Variants in EPN1 observed in about 807,000 individuals in gnomAD.
The protein encoded by EPN1 is epsin 1.
In EPN1, 25 loss-of-function variants were observed where a neutral mutation model predicts 56.9. The ratio of observed to expected loss-of-function variants is 0.44; its 90% CI spans 0.32 to 0.61. The LOEUF (loss-of-function observed/expected upper bound fraction) is 0.61, where lower values mean the gene tolerates loss of function less well. Ranked by LOEUF, EPN1 falls within the 20% of genes least tolerant of loss-of-function variation. EPN1 has a pLI of 0.05. For missense variants in EPN1, 785 were observed against 823.7 expected, an observed-to-expected ratio of 0.95 and a Z score of 0.58; for synonymous variants, 411 against 361.8, an observed-to-expected ratio of 1.14 and a Z score of -1.54.
chr19:55,685,491 C>G lies in EPN1; in HGVS notation c.324C>G (p.Asp108Glu), dbSNP rs1326400366. 2 of 1,612,790 alleles carry G rather than the reference C, an allele frequency of 1.2e-6. No homozygotes were observed. Among genetic ancestry groups the G allele is most frequent in the Admixed American group, 1.7e-5 (1 of 59,882 alleles). Residue 108 changes from aspartate (D) to glutamate (E), a missense_variant, in exon 3 of 11, where the codon GAC becomes GAG. By Grantham distance (45) the Asp-to-Glu change is conservative. Around this residue, in one of 2 missense-constraint regions of EPN1, gnomAD observed 135 missense variants for 218.7 expected, o/e 0.62. Transcript: ENST00000270460. Reference sequence around the variant, plus strand: ...TGTACGCCGTGCAGACGCTGAAGGACTTCCAGTACGTGGACCGCGACGGCA... The same window carrying G: ...TGTACGCCGTGCAGACGCTGAAGGAGTTCCAGTACGTGGACCGCGACGGCA... The part of the protein sequence containing the change: ...ENMYAVQTLK[D>E]FQYVDRDGKD...
chr19:55,697,380 C>T lies in EPN1; in HGVS notation c.*2024C>T, dbSNP rs1986950890. The T allele has an allele frequency of 6.6e-6, 1 of 152,202 alleles. No homozygotes were observed. Among genetic ancestry groups the T allele is most frequent in the Admixed American group, 6.5e-5 (1 of 15,278 alleles). The allele number at this position is 152,202 out of a possible 1,614,324, so 9.4% of individuals were successfully genotyped here. ...CTGGGCCCCTCACTTGTCAGACCCT[C>T]CATTCACCAAATTAAGGATAAGTTT... On this transcript the variant is annotated 3_prime_UTR_variant, in exon 11 of 11. Transcript: ENST00000270460.
chr19:55,693,328 T>C, intron 9 of EPN1: 1 of 396,598 alleles, frequency 2.5e-6, no homozygotes, highest in East Asian at 4.9e-5. Context: ...TTGAGTGCCT[T>C]GCAAACTCTC....
rs1209740208 is a variant in EPN1, at chr19:55,696,936, TCG to T, written c.*1581_*1582del. On this transcript the variant is annotated 3_prime_UTR_variant, in exon 11 of 11. Coordinates refer to ENST00000270460, the MANE Select transcript of EPN1 (RefSeq NM_001130072.2). ...GCAGACCAGGGTGTCTGGAGGGTTG[TCG>T]GGGGCTTGATGGAGGAATTGCTGAC... The T allele has an allele frequency of 3.3e-5, 5 of 152,214 alleles. No homozygotes were observed. The highest frequency in any genetic ancestry group is 3.3e-4 in the Admixed American group (5 of 15,282). 9.4% of individuals were successfully genotyped at this position (152,214 alleles called of 1,614,324 possible).
intron 2 of EPN1, among the ~76,000 whole-genome samples, chr19:55,683,820 TC>T: frequency 6.6e-6 from 1 of 152,222 alleles, no homozygotes; most frequent in Non-Finnish European, 1.5e-5. Flanking sequence ...TGTTTCATGA[TC>T]CGTTCGGCAC....
chr19:55,685,075 C>T (rs1273972098), intron 2 of EPN1, among the ~76,000 whole-genome samples: 2 of 152,258 alleles, frequency 1.3e-5, no homozygotes, highest in Non-Finnish European at 2.9e-5. Flanking sequence ...CCTGGCAACC[C>T]ACAATCCACT....
At chr19:55,681,393 G>T (rs1489867126) in intron 2 of EPN1, among the ~76,000 whole-genome samples, 2 of 152,114 alleles carry the variant, frequency 1.3e-5, no homozygotes, top group East Asian at 1.9e-4. Flanking sequence ...GCCAAGAGGA[G>T]CCCCGAGCCC....
In EPN1 at chr19:55,675,684, A is replaced by C. The variant is rs573570037; in HGVS notation, c.-102+249A>C. Among the ~76,000 whole-genome samples, 8 of 152,018 alleles carry C rather than the reference A, an allele frequency of 5.3e-5. No individual in the cohort carries two copies. The South Asian group carries it at 1.7e-3, about 32-fold the overall frequency. On this transcript the variant is annotated intron_variant, in intron 1 of 10. Transcript: ENST00000270460. ...TGTGCCTGTTTCAGTGAACTTAGAA[A>C]AGGGTTTGGAGATAGGAGTGTGTTT...
rs1316587211 is a variant in EPN1, at chr19:55,703,673, A to T, written c.*8317A>T. 1.3e-5 allele frequency: 2 copies of T among 152,224 alleles called. No homozygotes were observed. Among genetic ancestry groups the T allele is most frequent in the African/African-American group, 4.8e-5 (2 of 41,444 alleles). 9.4% of individuals were successfully genotyped at this position (152,224 alleles called of 1,614,324 possible). ...TGGTCACTAGCAGGGCGTCTGATGG[A>T]ACTTTCTGAGATGCCGGAAATGTTC... is the stretch of plus-strand genomic sequence containing the variant. On this transcript the variant is annotated 3_prime_UTR_variant, in exon 11 of 11. Transcript: ENST00000270460.
At chr19:55,680,509 TG>T (rs1181910997) in intron 2 of EPN1, among the ~76,000 whole-genome samples, 1 of 152,110 alleles carries the variant, frequency 6.6e-6, no homozygotes, top group Admixed American at 6.5e-5. Flanking sequence ...CATGCTGGGG[TG>T]GGGTTCAGCC....
At chr19:55,677,711 C>G (rs757642644) in intron 1 of EPN1, 4 of 1,548,042 alleles carry the variant, frequency 2.6e-6, no homozygotes, top group South Asian at 2.4e-5. Context: ...CTTCTGGCTT[C>G]CCCGGTTCTT....
Position 55,707,096 on chromosome 19 carries a change from A to G in EPN1, c.*11740A>G, listed in dbSNP as rs1348690276. 4.0e-5 allele frequency: 6 copies of G among 151,766 alleles called. No individual in the cohort carries two copies. Among genetic ancestry groups the G allele is most frequent in the African/African-American group, 9.7e-5 (4 of 41,288 alleles). 9.4% of individuals were successfully genotyped at this position (151,766 alleles called of 1,614,324 possible). A position where few individuals can be genotyped will look rare whatever the true frequency, so the allele number is the denominator to read the frequency against. On this transcript the variant is annotated 3_prime_UTR_variant, in exon 11 of 11. Coordinates refer to ENST00000270460, the MANE Select transcript of EPN1 (RefSeq NM_001130072.2). ...CTCAGGTGGCTGAGACAGGAGAATCACTTGAACCCAGGAGACGGAGGCTGC... is the reference window on the plus strand; with the variant it reads ...CTCAGGTGGCTGAGACAGGAGAATCGCTTGAACCCAGGAGACGGAGGCTGC...
chr19:55,704,358 C>T lies in EPN1; in HGVS notation c.*9002C>T, dbSNP rs542171352. The T allele has an allele frequency of 1.3e-5, 2 of 152,440 alleles. No individual in the cohort carries two copies. Among genetic ancestry groups the T allele is most frequent in the Admixed American group, 6.5e-5 (1 of 15,308 alleles). The allele number at this position is 152,440 out of a possible 1,614,324, so 9.4% of individuals were successfully genotyped here. A position where few individuals can be genotyped will look rare whatever the true frequency, so the allele number is the denominator to read the frequency against. ...ATGGGGCTGTATTTGGAGACAGGGCCTTTACAAGGTAAGTAAGGTTAAAAT... is the reference window on the plus strand; with the variant it reads ...ATGGGGCTGTATTTGGAGACAGGGCTTTTACAAGGTAAGTAAGGTTAAAAT... On this transcript the variant is annotated 3_prime_UTR_variant, in exon 11 of 11. Transcript: ENST00000270460.
chr19:55,688,769 G>T, intron 3 of EPN1, 101 bp from the exon 4 acceptor site: 1 of 1,501,932 alleles, frequency 6.7e-7, no homozygotes, highest in Non-Finnish European at 9.0e-7. Flanking sequence ...GGGACTTGGG[G>T]GGTGGGGTTG....
chr19:55,709,022 C>A lies in EPN1; in HGVS notation c.*13666C>A. On this transcript the variant is annotated 3_prime_UTR_variant, in exon 11 of 11. Coordinates refer to ENST00000270460, the MANE Select transcript of EPN1 (RefSeq NM_001130072.2). ...GACATCAGGATCTTCTGAGTTTCTT[C>A]ATCAAAGCCAGATTTGTGCAGCCTG... The A allele has an allele frequency of 6.3e-7, 1 of 1,576,246 alleles. No homozygotes were observed. The highest frequency in any genetic ancestry group is 2.0e-5 in the Admixed American group (1 of 49,886).
chr19:55,683,541 A>G (rs982230790), intron 2 of EPN1, among the ~76,000 whole-genome samples: 6 of 146,020 alleles, frequency 4.1e-5, no homozygotes. Flanking sequence ...TTTAGTAGAA[A>G]CAGGTTTCAT....
chr19:55,691,769 C>G lies in EPN1; in HGVS notation c.778C>G (p.Leu260Val), dbSNP rs928024612. ...TCCCCCACAGTCGTCCCTCATGGAC[C>G]TTGCTGACGTCTTCACGGCCCCAGC... ...GGKEESSLMD[L>V]ADVFTAPAPA... The change falls in exon 7 of 11, where the codon CTT becomes GTT. Residue 260 changes from leucine to valine, a missense_variant. By Grantham distance (32) the Leu-to-Val change is conservative (BLOSUM62 1). Around this residue, in one of 2 missense-constraint regions of EPN1, gnomAD observed 650 missense variants for 605.0 expected, o/e 1.07. Transcript: ENST00000270460. This position sits in a 1 kb window ranked among gnomAD's most constrained non-coding sequence, Gnocchi z 5.6. The G allele has an allele frequency of 6.2e-7, 1 of 1,612,632 alleles. No individual in the cohort carries two copies. The highest frequency in any genetic ancestry group is 8.5e-7 in the Non-Finnish European group (1 of 1,179,316).
chr19:55,695,683 C>T lies in EPN1; in HGVS notation c.*327C>T, dbSNP rs115199184. ...TGTTTGAGCCTCCTCGTTCCCCTCACGCACCCGCTCACGCACCCTCGGTGA... is the reference window on the plus strand; with the variant it reads ...TGTTTGAGCCTCCTCGTTCCCCTCATGCACCCGCTCACGCACCCTCGGTGA... On this transcript the variant is annotated 3_prime_UTR_variant, in exon 11 of 11. Coordinates refer to ENST00000270460, the MANE Select transcript of EPN1 (RefSeq NM_001130072.2). The surrounding 1 kb of genome is among the most constrained non-coding windows in gnomAD (Gnocchi z 4.4). 308 of 351,670 alleles carry T rather than the reference C, an allele frequency of 8.8e-4. No homozygotes were observed. The highest frequency in any genetic ancestry group is 5.7e-3 in the African/African-American group (274 of 47,866). The allele number at this position is 351,670 out of a possible 1,614,324, so 21.8% of individuals were successfully genotyped here.
Position 55,698,397 on chromosome 19 carries a change from A to T in EPN1, c.*3041A>T, listed in dbSNP as rs1275913951. On this transcript the variant is annotated 3_prime_UTR_variant, in exon 11 of 11. Coordinates refer to ENST00000270460, the MANE Select transcript of EPN1 (RefSeq NM_001130072.2). ...ACATTCCTGGGTCTCGACTCTGTTC[A>T]GGGCCTAGGGGTTGGGTGGGGAAGG... The T allele has an allele frequency of 2.6e-5, 4 of 152,092 alleles. No individual in the cohort carries two copies. Among genetic ancestry groups the T allele is most frequent in the African/African-American group, 9.7e-5 (4 of 41,408 alleles). The allele number at this position is 152,092 out of a possible 1,614,324, so 9.4% of individuals were successfully genotyped here.
At chr19:55,687,908 C>T (rs1055367598) in intron 3 of EPN1, among the ~76,000 whole-genome samples, 16 of 152,186 alleles carry the variant, frequency 1.1e-4, no homozygotes, top group African/African-American at 1.7e-4. Context: ...CTGCCTGCTG[C>T]GGCTCCGGGC....
Sources: allele counts gnomAD v4.1 joint callset (sites outside exome capture counted in the v4.1 genomes callset), GRCh38; gene constraint gnomAD v4.1.1; regional missense constraint gnomAD v4.1.1; non-coding constraint Gnocchi (gnomAD v3.1); transcripts MANE v1.5; gene names NCBI Gene and HGNC (gene_info 2026-07-23, HGNC 2026-07-21).